The following GRID2 variants were observed in gnomAD, a reference collection of about 807,000 sequenced individuals.
GRID2 encodes glutamate receptor ionotropic, delta-2.
Under a neutral mutation model 114.8 loss-of-function variants are expected in GRID2, and 33 were observed. That is an observed-to-expected ratio of 0.29 (90% CI 0.22 to 0.38). The LOEUF (loss-of-function observed/expected upper bound fraction) is 0.38, where lower values mean the gene tolerates loss of function less well. Among genes scored for constraint, GRID2 ranks in the 10% least tolerant of loss-of-function variants. The pLI, the probability that GRID2 is intolerant of heterozygous loss-of-function variation, is 1.00. For missense variants in GRID2, 1,184 were observed against 1,257.7 expected, an observed-to-expected ratio of 0.94 and a Z score of 0.89; for synonymous variants, 505 against 449.9, an observed-to-expected ratio of 1.12 and a Z score of -1.55.
chr4:93,662,813 T>C (rs1723613764), intron 14 of GRID2, among the ~76,000 whole-genome samples: 1 of 152,154 alleles, frequency 6.6e-6, no homozygotes, highest in Non-Finnish European at 1.5e-5. Flanking sequence ...AACTAATCCC[T>C]CATGAAGGAA....
intron 1 of GRID2, among the ~76,000 whole-genome samples, chr4:92,380,550 T>C (rs1175126906): frequency 6.6e-6 from 1 of 152,042 alleles, no homozygotes; most frequent in Non-Finnish European, 1.5e-5. Context: ...TTAAGTATAT[T>C]TTGTTGACTT....
chr4:92,804,915 G>A (rs1018583501), intron 2 of GRID2, among the ~76,000 whole-genome samples: 1 of 151,880 alleles, frequency 6.6e-6, no homozygotes, highest in Non-Finnish European at 1.5e-5. Context: ...AAAATTGATG[G>A]GAATGATAAC....
intron 13 of GRID2, among the ~76,000 whole-genome samples, chr4:93,552,785 C>A (rs558480084): frequency 3.3e-4 from 42 of 127,954 alleles, no homozygotes; most frequent in African/African-American, 1.1e-3. Flanking sequence ...CCTCCCCCAG[C>A]CCCCCACCCC....
chr4:93,536,773 A>C (rs555152000), intron 13 of GRID2, among the ~76,000 whole-genome samples: 2 of 151,644 alleles, frequency 1.3e-5, no homozygotes, highest in Non-Finnish European at 3.0e-5. Flanking sequence ...ATGATTAATA[A>C]ATCAAATAAA....
intron 4 of GRID2, among the ~76,000 whole-genome samples, chr4:93,151,409 G>A (rs1009971143): frequency 6.6e-6 from 1 of 151,822 alleles, no homozygotes; most frequent in Non-Finnish European, 1.5e-5. Flanking sequence ...AAATATGAAG[G>A]CATTTAACTT....
intron 1 of GRID2, among the ~76,000 whole-genome samples, chr4:92,523,622 A>G (rs1177828302): frequency 6.6e-6 from 1 of 152,076 alleles, no homozygotes; most frequent in African/African-American, 2.4e-5. Flanking sequence ...AATATGATCC[A>G]CTATGTTCTT....
chr4:93,335,606 A>G (rs113721660), intron 8 of GRID2, among the ~76,000 whole-genome samples: 1,852 of 152,258 alleles, frequency 0.012, 41 homozygotes, highest in African/African-American at 0.043. Flanking sequence ...AACAGAAAAT[A>G]ATTTGAATAT....
intron 2 of GRID2, among the ~76,000 whole-genome samples, chr4:92,747,177 T>A (rs1451243748): frequency 6.6e-6 from 1 of 152,176 alleles, no homozygotes; most frequent in Admixed American, 6.5e-5. Flanking sequence ...ATTGCCGTTT[T>A]ATAATGGCAA....
At chr4:93,211,334 A>C (rs889353059) in intron 5 of GRID2, among the ~76,000 whole-genome samples, 7 of 152,126 alleles carry the variant, frequency 4.6e-5, no homozygotes, top group Non-Finnish European at 8.8e-5. Context: ...AAAAATAATA[A>C]AAATTTATGT....
chr4:93,403,596 A>G (rs1370663137), intron 9 of GRID2, among the ~76,000 whole-genome samples: 24 of 152,166 alleles, frequency 1.6e-4, no homozygotes, highest in Admixed American at 1.6e-3. Flanking sequence ...AGATATATTT[A>G]TATAAATGGT....
chr4:93,059,175 G>T (rs1270366285), intron 2 of GRID2, among the ~76,000 whole-genome samples: 1 of 152,114 alleles, frequency 6.6e-6, no homozygotes, highest in Non-Finnish European at 1.5e-5. Flanking sequence ...CATTTGAAAT[G>T]CATGGCAGAA....
intron 2 of GRID2, among the ~76,000 whole-genome samples, chr4:92,903,975 A>G (rs1478796479): frequency 6.6e-6 from 1 of 151,876 alleles, no homozygotes. Flanking sequence ...CTCATCTTTG[A>G]TTCTGTTTAA....
At chr4:92,779,040 A>G (rs1334954593) in intron 2 of GRID2, among the ~76,000 whole-genome samples, 2 of 152,080 alleles carry the variant, frequency 1.3e-5, no homozygotes, top group Non-Finnish European at 2.9e-5. Context: ...ATTCTATCAT[A>G]TGTATGAAAT....
At chr4:93,466,855 C>T (rs866575605) in intron 11 of GRID2, among the ~76,000 whole-genome samples, 2 of 152,132 alleles carry the variant, frequency 1.3e-5, no homozygotes, top group African/African-American at 4.8e-5. Flanking sequence ...TGAAAGCAGT[C>T]TTGTCAATTA....
intron 8 of GRID2, among the ~76,000 whole-genome samples, chr4:93,339,038 A>G (rs1216527525): frequency 6.6e-6 from 1 of 152,188 alleles, no homozygotes; most frequent in African/African-American, 2.4e-5. Flanking sequence ...CCATACAGAC[A>G]GGTCCATGTG....
At chr4:92,966,248 T>C (rs1435049649) in intron 2 of GRID2, among the ~76,000 whole-genome samples, 1 of 151,708 alleles carries the variant, frequency 6.6e-6, no homozygotes, top group Non-Finnish European at 1.5e-5. Context: ...ATAAGAAAAA[T>C]GCAGGATGTT....
chr4:92,863,135 A>G (rs13147599), intron 2 of GRID2, among the ~76,000 whole-genome samples: 6,546 of 152,224 alleles, frequency 0.043, 206 homozygotes, highest in Middle Eastern at 0.1. Context: ...TGTCTGATGA[A>G]AAAAGACTGA....
intron 11 of GRID2, among the ~76,000 whole-genome samples, chr4:93,458,297 G>T (rs1260371528): frequency 6.6e-6 from 1 of 152,130 alleles, no homozygotes; most frequent in Non-Finnish European, 1.5e-5. Flanking sequence ...AGCAAAAAAG[G>T]CTTGTCTTTG....
chr4:92,845,851 T>G (rs1743277908), intron 2 of GRID2, among the ~76,000 whole-genome samples: 1 of 152,112 alleles, frequency 6.6e-6, no homozygotes, highest in African/African-American at 2.4e-5. Context: ...AGGAATGCAT[T>G]TTTATTCTGT....
Sources: gnomAD v4.1 joint callset for allele counts (sites outside exome capture counted in the v4.1 genomes callset) on GRCh38, gnomAD v4.1.1 for gene constraint, MANE v1.5 for transcripts, NCBI Gene and HGNC (gene_info 2026-07-23, HGNC 2026-07-21) for gene names.